Variants in PGK1 observed in about 807,000 individuals in gnomAD.
The protein encoded by PGK1 is phosphoglycerate kinase 1.
Under a neutral mutation model 26.9 loss-of-function variants are expected in PGK1, and 3 were observed. That is an observed-to-expected ratio of 0.11 (90% CI 0.05 to 0.29). PGK1 has a LOEUF of 0.29. Among genes scored for constraint, PGK1 ranks in the 10% least tolerant of loss-of-function variants. The pLI is 1.00. For synonymous variants in PGK1, 125 were observed against 115.3 expected (o/e 1.08, Z -0.54); for missense variants, 270 against 314.7 (o/e 0.86, Z 1.07).
At chrX:78,118,023 G>T (rs1569550845) in intron 5 of PGK1, 28 bp from the exon 6 acceptor site, 2 of 1,194,353 alleles carry the variant, frequency 1.7e-6, no homozygotes, top group South Asian at 3.5e-5. Context: ...GGATTGACTA[G>T]AATCTGAATG....
chrX:78,118,576 C>CTAAA lies in PGK1; in HGVS notation c.641+431_641+434dup, dbSNP rs781944002. Among the ~76,000 whole-genome samples, 1,067 of 109,552 alleles carry CTAAA rather than the reference C, an allele frequency of 9.7e-3. 8 individuals carry two copies. The highest frequency in any genetic ancestry group is 0.029 in the African/African-American group (861 of 29,818). ...CCTGGGTGACAGAGCAAGACCGTTT[C>CTAAA]TAAATAAATAAATAAATAAATAAAT... is the stretch of plus-strand genomic sequence containing the variant. On this transcript the variant is annotated intron_variant, in intron 6 of 10. Transcript: ENST00000373316.
rs1241182576 is a variant in PGK1, at chrX:78,104,268, C to A, written c.-73C>A. 6 of 794,578 alleles carry A rather than the reference C, an allele frequency of 7.6e-6. No individual in the cohort carries two copies. In the East Asian group the frequency reaches 1.9e-4, roughly 25 times the overall value. 65.5% of individuals were successfully genotyped at this position (794,578 alleles called of 1,213,427 possible). A position where few individuals can be genotyped will look rare whatever the true frequency, so the allele number is the denominator to read the frequency against. ...GCGGTGTTCCGCATTCTGCAAGCCT[C>A]CGGAGCGCACGTCGGCAGTCGGCTC... On this transcript the variant is annotated 5_prime_UTR_variant, in exon 1 of 11. Transcript: ENST00000373316.
chrX:78,121,050 C>T (rs971045486), intron 6 of PGK1, among the ~76,000 whole-genome samples: 4 of 112,180 alleles, frequency 3.6e-5, no homozygotes, highest in African/African-American at 1.3e-4. Flanking sequence ...ATTAGGGATA[C>T]TCAACCTGTA....
chrX:78,125,140 CT>C, intron 9 of PGK1, 89 bp downstream of exon 9: 1 of 865,500 alleles, frequency 1.2e-6, no homozygotes, highest in Non-Finnish European at 1.7e-6. Flanking sequence ...TTCTATGTCT[CT>C]TTATTCTGGG....
At chrX:78,117,769 A>G (rs946714410) in intron 5 of PGK1, among the ~76,000 whole-genome samples, 6 of 112,766 alleles carry the variant, frequency 5.3e-5, no homozygotes, top group South Asian at 3.6e-4. Context: ...CAACCGGCCA[A>G]TTACTTACTG....
intron 10 of PGK1, 137 bp from the exon 11 acceptor site, chrX:78,125,653 A>G (rs142813121): frequency 9.6e-6 from 6 of 625,100 alleles, no homozygotes; most frequent in East Asian, 3.2e-5. Flanking sequence ...GGAATCCACA[A>G]TGTAAAAGTT....
intron 4 of PGK1, among the ~76,000 whole-genome samples, chrX:78,115,902 T>G (rs966400822): frequency 7.2e-5 from 8 of 111,177 alleles, no homozygotes; most frequent in Admixed American, 6.7e-4. Flanking sequence ...CATGGTGGAG[T>G]GCAGTGGCAT....
chrX:78,129,000 G>A lies in PGK1; in HGVS notation c.*3170G>A, dbSNP rs1374859851. On this transcript the variant is annotated 3_prime_UTR_variant, in exon 11 of 11. Transcript: ENST00000373316. ...GCGGGTCATGAGGTCAGGAGATTGA[G>A]ACCATCCTGGCTAACACGGTGAAAC... 2 of 98,437 alleles carry A rather than the reference G, an allele frequency of 2.0e-5. No homozygotes were observed. The highest frequency in any genetic ancestry group is 4.1e-5 in the Non-Finnish European group (2 of 49,299). The allele number at this position is 98,437 out of a possible 1,213,427, so 8.1% of individuals were successfully genotyped here.
chrX:78,122,676 G>T (rs941699095), intron 6 of PGK1, among the ~76,000 whole-genome samples, 159 bp from the exon 7 acceptor site: 3 of 111,450 alleles, frequency 2.7e-5, no homozygotes, highest in African/African-American at 6.5e-5. Flanking sequence ...AATGGATTGA[G>T]TTTTTGGGTT....
At position 78,127,368 on chromosome X, in the gene PGK1, T is replaced by A. The variant is rs2149137920; in HGVS notation, c.*1538T>A. ...CATTCGGATTCTTTCATCATCTTTATAATTTTACCTTCCTATTTCTTTCCT... is the reference window on the plus strand; with the variant it reads ...CATTCGGATTCTTTCATCATCTTTAAAATTTTACCTTCCTATTTCTTTCCT... On this transcript the variant is annotated 3_prime_UTR_variant, in exon 11 of 11. Transcript: ENST00000373316. 8.9e-6 allele frequency: 1 copy of A among 112,780 alleles called. No homozygotes were observed. Among genetic ancestry groups the A allele is most frequent in the Admixed American group, 9.4e-5 (1 of 10,640 alleles). The allele number at this position is 112,780 out of a possible 1,213,427, so 9.3% of individuals were successfully genotyped here.
intron 6 of PGK1, among the ~76,000 whole-genome samples, chrX:78,122,221 GA>G (rs1479445765): frequency 7.3e-5 from 8 of 110,112 alleles, no homozygotes; most frequent in Non-Finnish European, 1.1e-4. Context: ...AAGAGAGAGA[GA>G]AAAAAATGTC....
At chrX:78,106,598 A>G in intron 1 of PGK1, 1 of 753,263 alleles carries the variant, frequency 1.3e-6, no homozygotes, top group Non-Finnish European at 1.6e-6. Context: ...TTTGTCCTGC[A>G]GAAGTGAACT....
At chrX:78,106,520 A>C in intron 1 of PGK1, 1 of 753,962 alleles carries the variant, frequency 1.3e-6, no homozygotes, top group Non-Finnish European at 1.6e-6. Flanking sequence ...TTTTTGTTTC[A>C]ACGTGGTGGT....
At chrX:78,105,359 TGAC>T in intron 1 of PGK1, among the ~76,000 whole-genome samples, 1 of 112,057 alleles carries the variant, frequency 8.9e-6, no homozygotes, top group African/African-American at 3.2e-5. Flanking sequence ...CTGATGGACT[TGAC>T]TGTTCATATA....
intron 6 of PGK1, among the ~76,000 whole-genome samples, chrX:78,121,864 A>T (rs1557248071): frequency 8.9e-6 from 1 of 111,749 alleles, no homozygotes; most frequent in Non-Finnish European, 1.9e-5. Flanking sequence ...GTGCCCAGTA[A>T]ATGTGTTGAA....
chrX:78,121,859 C>T (rs2078357028), intron 6 of PGK1, among the ~76,000 whole-genome samples: 1 of 111,491 alleles, frequency 9.0e-6, no homozygotes, highest in Non-Finnish European at 1.9e-5. Context: ...AGTAGGTGCC[C>T]AGTAAATGTG....
At chrX:78,106,490 T>A in intron 1 of PGK1, 3 of 754,274 alleles carry the variant, frequency 4.0e-6, no homozygotes, top group Non-Finnish European at 4.7e-6. Context: ...TAGGCAGCCA[T>A]GTGGTGTCAG....
rs200778983 is a variant in PGK1, at chrX:78,123,352, C to T, written c.914C>T (p.Ser305Phe). ...AAGACTGGCCAAGCCACTGTGGCTT[C>T]TGGCATACCTGCTGGCTGGATGGTG... ...NAKTGQATVA[S>F]GIPAGWMGLD... Residue 305 changes from serine (S) to phenylalanine (F), a missense_variant, in exon 8 of 11, where the codon TCT (serine) becomes TTT (phenylalanine). Physicochemically the swap from Ser to Phe is radical, Grantham distance 155. Coordinates refer to ENST00000373316, the MANE Select transcript of PGK1 (RefSeq NM_000291.4). 1.7e-6 allele frequency: 2 copies of T among 1,207,211 alleles called. No individual in the cohort carries two copies. Among genetic ancestry groups the T allele is most frequent in the African/African-American group, 3.5e-5 (2 of 57,263 alleles).
intron 6 of PGK1, among the ~76,000 whole-genome samples, chrX:78,120,295 T>C (rs2149135017): frequency 9.0e-6 from 1 of 110,736 alleles, no homozygotes; most frequent in Non-Finnish European, 1.9e-5. Context: ...CTAATCTTGT[T>C]TCTTTTATGT....
Sources: allele counts gnomAD v4.1 joint callset (sites outside exome capture counted in the v4.1 genomes callset), GRCh38; gene constraint gnomAD v4.1.1; transcripts MANE v1.5; gene names NCBI Gene and HGNC (gene_info 2026-07-23, HGNC 2026-07-21).